MBNL3: variants seen among roughly 807,000 people sequenced by gnomAD.
MBNL3 encodes the protein muscleblind-like protein 3.
In MBNL3, 6 loss-of-function variants were observed where a neutral mutation model predicts 24.5. The observed-to-expected ratio is 0.25, with a 90% confidence interval of 0.13 to 0.48. The LOEUF (loss-of-function observed/expected upper bound fraction) is 0.48. Among genes scored for constraint, MBNL3 ranks in the 20% least tolerant of loss-of-function variants. MBNL3 has a pLI of 0.99. For missense variants in MBNL3, 230 were observed against 293.5 expected (o/e 0.78, Z 1.58); for synonymous variants, 100 against 101.7 (o/e 0.98, Z 0.10).
intron 1 of MBNL3, among the ~76,000 whole-genome samples, chrX:132,488,359 T>C (rs1211894347): frequency 2.7e-5 from 3 of 111,064 alleles, no homozygotes; most frequent in Non-Finnish European, 5.7e-5. Flanking sequence ...TAAAAGCTTA[T>C]TGTGTGAGTG....
At chrX:132,434,456 A>G (rs983977402) in intron 2 of MBNL3, among the ~76,000 whole-genome samples, 87 of 112,516 alleles carry the variant, frequency 7.7e-4, no homozygotes, top group African/African-American at 2.5e-3. Context: ...AATGGGGGAC[A>G]TAGTTATCAG....
In MBNL3 at chrX:132,386,677, C is replaced by T. The variant is rs912809704; in HGVS notation, c.906G>A (p.Pro302=). The T allele has an allele frequency of 7.4e-6, 9 of 1,208,402 alleles. No individual in the cohort carries two copies. In the African/African-American group the frequency reaches 1.1e-4, roughly 14 times the overall value. Residue 302 remains proline (P), a synonymous_variant, in exon 6 of 9, where the codon CCG becomes CCA. Coordinates refer to ENST00000370853, the MANE Select transcript of MBNL3 (RefSeq NM_001386889.1). ...QALTNLQLPQ[P]AFIPAGPILC... is the part of the protein sequence containing the mutation. The stretch of plus-strand genomic sequence containing the variant: ...TGTTCTCACCTGCAGGGATAAATGC[C>T]GGCTGTGGGAGCTGCAGGTTAGTCA...
chrX:132,382,635 C>A (rs1158134215), intron 7 of MBNL3, among the ~76,000 whole-genome samples: 1 of 112,128 alleles, frequency 8.9e-6, no homozygotes, highest in African/African-American at 3.2e-5. Flanking sequence ...GTTACAAGGG[C>A]TATCTATCTG....
In MBNL3 at chrX:132,488,907, C is replaced by G. The variant is rs995545680; in HGVS notation, c.-760G>C. ...GGGGCCCTGCTCTCAGCGGCAGCAG[C>G]AGGGGCAGCGGCAGCGACAGCGGCA... On this transcript the variant is annotated 5_prime_UTR_variant, in exon 1 of 9. Transcript: ENST00000370853. The G allele has an allele frequency of 8.8e-6, 1 of 113,741 alleles. No homozygotes were observed. The highest frequency in any genetic ancestry group is 1.9e-5 in the Non-Finnish European group (1 of 53,538). The allele number at this position is 113,741 out of a possible 1,213,427, so 9.4% of individuals were successfully genotyped here. A position where few individuals can be genotyped will look rare whatever the true frequency, so the allele number is the denominator to read the frequency against.
At chrX:132,474,440 CTG>C (rs1286479335) in intron 1 of MBNL3, among the ~76,000 whole-genome samples, 1 of 111,658 alleles carries the variant, frequency 9.0e-6, no homozygotes, top group Non-Finnish European at 1.9e-5. Flanking sequence ...CTGAATTCCA[CTG>C]TCTTTCCCCC....
At chrX:132,406,097 C>G in intron 3 of MBNL3, 131 bp downstream of exon 3, 1 of 745,880 alleles carries the variant, frequency 1.3e-6, no homozygotes, top group Middle Eastern at 4.1e-4. Flanking sequence ...TTCAAGTGCA[C>G]AGCTCTGTAG....
At chrX:132,489,921 A>G (rs1196877234), upstream of MBNL3, 1 of 112,158 alleles carries the variant, frequency 8.9e-6, no homozygotes. Flanking sequence ...CACTGCTCCC[A>G]AAGAGCGCCA....
chrX:132,434,460 T>C (rs1012777849), intron 2 of MBNL3, among the ~76,000 whole-genome samples: 1 of 112,197 alleles, frequency 8.9e-6, no homozygotes, highest in Non-Finnish European at 1.9e-5. Context: ...GGGGACATAG[T>C]TATCAGTTTT....
rs937961279 is a variant in MBNL3 at position 132,370,811 on chromosome X, G to A, written c.*8855C>T. The A allele has an allele frequency of 9.0e-6, 1 of 111,682 alleles. No individual in the cohort carries two copies. The highest frequency in any genetic ancestry group is 1.9e-5 in the Non-Finnish European group (1 of 53,169). The allele number at this position is 111,682 out of a possible 1,213,427, so 9.2% of individuals were successfully genotyped here. A position where few individuals can be genotyped will look rare whatever the true frequency, so the allele number is the denominator to read the frequency against. ...TCCAGGGCCAGAGGCCACCATGAGGGATGAGAAAAGGATGCTGTGAAAAGA... is the reference window on the plus strand; with the variant it reads ...TCCAGGGCCAGAGGCCACCATGAGGAATGAGAAAAGGATGCTGTGAAAAGA... On this transcript the variant is annotated 3_prime_UTR_variant, in exon 9 of 9. Transcript: ENST00000370853.
chrX:132,405,339 TGAA>T (rs1941608097), intron 3 of MBNL3, among the ~76,000 whole-genome samples: 1 of 111,389 alleles, frequency 9.0e-6, no homozygotes, highest in Non-Finnish European at 1.9e-5. Context: ...TGTGGTACCC[TGAA>T]TCAGACACTG....
In MBNL3 at chrX:132,398,983, C is replaced by T. The variant is rs138767837; in HGVS notation, c.343-6649G>A. Among the ~76,000 whole-genome samples the T allele has an allele frequency of 2.8e-3, 311 of 111,468 alleles. 1 individual carries two copies. The highest frequency in any genetic ancestry group is 8.7e-3 in the African/African-American group (267 of 30,781). On this transcript the variant is annotated intron_variant, in intron 3 of 8. Coordinates refer to ENST00000370853, the MANE Select transcript of MBNL3 (RefSeq NM_001386889.1). ...CCAACATCTTACTTTTGTTACATAA[C>T]GAATTCCTAGAGGGTAGAGTTTGTT...
chrX:132,479,559 A>G (rs1454036062), intron 1 of MBNL3, among the ~76,000 whole-genome samples: 2 of 112,315 alleles, frequency 1.8e-5, no homozygotes, highest in African/African-American at 3.2e-5. Context: ...AGTAATGAGT[A>G]TACGGTTTAT....
chrX:132,384,940 A>C (rs995348732), intron 6 of MBNL3, among the ~76,000 whole-genome samples: 2 of 112,204 alleles, frequency 1.8e-5, no homozygotes, highest in African/African-American at 3.2e-5. Flanking sequence ...CTTTAAAAGA[A>C]TTAACTCACT....
chrX:132,398,069 C>T (rs892762205), intron 3 of MBNL3, among the ~76,000 whole-genome samples: 5 of 111,456 alleles, frequency 4.5e-5, no homozygotes, highest in African/African-American at 1.6e-4. Context: ...GAACCATTGT[C>T]CTCACCTAGA....
chrX:132,471,735 T>C (rs1233145561), intron 1 of MBNL3, among the ~76,000 whole-genome samples: 3 of 112,811 alleles, frequency 2.7e-5, no homozygotes, highest in African/African-American at 9.7e-5. Flanking sequence ...TGCAAGATAC[T>C]ACATAACTGT....
intron 1 of MBNL3, among the ~76,000 whole-genome samples, chrX:132,478,151 C>T (rs1273277348): frequency 1.8e-5 from 2 of 111,524 alleles, no homozygotes; most frequent in Non-Finnish European, 3.8e-5. Context: ...TTTTGCCATT[C>T]GAAGCACCTC....
chrX:132,445,302 T>C (rs1215891907), intron 1 of MBNL3, among the ~76,000 whole-genome samples: 2 of 110,925 alleles, frequency 1.8e-5, no homozygotes, highest in East Asian at 5.7e-4. Context: ...CAAATTTGCT[T>C]CAAGTTCTAT....
chrX:132,456,744 C>A (rs765628609), intron 1 of MBNL3, among the ~76,000 whole-genome samples: 1 of 111,697 alleles, frequency 9.0e-6, no homozygotes. Flanking sequence ...TCCAAGTTCT[C>A]ATTTCCCCCA....
intron 1 of MBNL3, among the ~76,000 whole-genome samples, chrX:132,482,299 C>T (rs1425675530): frequency 8.9e-6 from 1 of 112,539 alleles, no homozygotes; most frequent in African/African-American, 3.2e-5. Context: ...TTGATCATTA[C>T]ACATTGTATG....
Sources: allele counts gnomAD v4.1 joint callset (sites outside exome capture counted in the v4.1 genomes callset), GRCh38; gene constraint gnomAD v4.1.1; transcripts MANE v1.5; gene names NCBI Gene and HGNC (gene_info 2026-07-23, HGNC 2026-07-21).